MYO1E: variants seen among roughly 807,000 people sequenced by gnomAD.
MYO1E encodes unconventional myosin-Ie.
MYO1E carries 68 observed loss-of-function variants against 151.1 expected under a neutral mutation model. The observed-to-expected ratio is 0.45, with a 90% CI of 0.37 to 0.55. The LOEUF is 0.55. Among genes scored for constraint, MYO1E ranks in the 20% least tolerant of loss-of-function variants. MYO1E has a pLI of 0.00. For missense variants in MYO1E, 1,363 were observed against 1,389.3 expected, an observed-to-expected ratio of 0.98 and a Z score of 0.30; for synonymous variants, 601 against 501.7, an observed-to-expected ratio of 1.20 and a Z score of -2.64.
intron 2 of MYO1E, chr15:59,267,040 T>C (rs1348396835): frequency 6.9e-6 from 1 of 144,920 alleles, no homozygotes; most frequent in Non-Finnish European, 1.5e-5. Context: ...TTTTTTTTTT[T>C]TTTTGAGGTG....
intron 1 of MYO1E, among the ~76,000 whole-genome samples, chr15:59,332,544 G>A (rs1313472630): frequency 6.6e-6 from 1 of 152,114 alleles, no homozygotes; most frequent in Non-Finnish European, 1.5e-5. Flanking sequence ...GCAGTCCACA[G>A]ACAGGTGTTT....
intron 4 of MYO1E, among the ~76,000 whole-genome samples, chr15:59,240,978 A>G (rs1162576297): frequency 2.0e-5 from 3 of 152,272 alleles, no homozygotes; most frequent in Non-Finnish European, 2.9e-5. Context: ...TACAAAGGCT[A>G]TTAATAACAC....
chr15:59,355,778 T>C (rs1348344198), intron 1 of MYO1E, among the ~76,000 whole-genome samples: 1 of 152,122 alleles, frequency 6.6e-6, no homozygotes, highest in Non-Finnish European at 1.5e-5. Flanking sequence ...TACAGTGGCA[T>C]GATCAGGGCT....
chr15:59,178,111 G>C (rs2079636066), intron 19 of MYO1E, among the ~76,000 whole-genome samples: 1 of 152,242 alleles, frequency 6.6e-6, no homozygotes, highest in Non-Finnish European at 1.5e-5. Flanking sequence ...GTAGCAGCTA[G>C]AGAGGAGCGA....
intron 2 of MYO1E, among the ~76,000 whole-genome samples, chr15:59,265,199 G>T (rs1366775205): frequency 6.6e-6 from 1 of 152,108 alleles, no homozygotes; most frequent in Non-Finnish European, 1.5e-5. Flanking sequence ...TTCCATGGAG[G>T]AGGGTACTTG....
intron 1 of MYO1E, 62 bp downstream of exon 1, chr15:59,372,436 C>T: frequency 6.5e-7 from 1 of 1,535,186 alleles, no homozygotes. Flanking sequence ...GGGTGCACCA[C>T]GCCGGGGTTT....
chr15:59,372,544 G>A lies in MYO1E; in HGVS notation c.-44C>T. The A allele has an allele frequency of 6.5e-7, 1 of 1,534,858 alleles. No homozygotes were observed. Among genetic ancestry groups the A allele is most frequent in the Non-Finnish European group, 8.8e-7 (1 of 1,140,606 alleles). ...CGCGTCTTCGCCGGGTCCCGCTGCCGGGGAACTGGGGCTGGAACGCAGTCT... is the reference window on the plus strand; with the variant it reads ...CGCGTCTTCGCCGGGTCCCGCTGCCAGGGAACTGGGGCTGGAACGCAGTCT... On this transcript the variant is annotated 5_prime_UTR_variant, in exon 1 of 28. Coordinates refer to ENST00000288235, the MANE Select transcript of MYO1E (RefSeq NM_004998.4).
At chr15:59,193,135 C>G (rs530105631) in intron 17 of MYO1E, among the ~76,000 whole-genome samples, 2 of 152,312 alleles carry the variant, frequency 1.3e-5, no homozygotes, top group East Asian at 1.9e-4. Flanking sequence ...CCAGCACCAC[C>G]TGCAAGATTT....
At chr15:59,162,990 G>GACT (rs2079546200) in intron 23 of MYO1E, among the ~76,000 whole-genome samples, 167 bp downstream of exon 23, 1 of 152,216 alleles carries the variant, frequency 6.6e-6, no homozygotes, top group South Asian at 2.1e-4. Context: ...CAAAGTCTGT[G>GACT]ACTACTATCC....
Position 59,231,827 on chromosome 15 carries a change from T to C in MYO1E, c.421-36A>G, listed in dbSNP as rs373630726. On this transcript the variant is annotated intron_variant, in intron 5 of 27. Transcript: ENST00000288235. ...AAATAGACCGGAGGTTAGGAAGGTGTGAACACCTACCACACAGTGTACGCC... is the reference window on the plus strand; with the variant it reads ...AAATAGACCGGAGGTTAGGAAGGTGCGAACACCTACCACACAGTGTACGCC... The C allele has an allele frequency of 1.8e-5, 29 of 1,603,672 alleles. No homozygotes were observed. In the African/African-American group the frequency reaches 3.6e-4, roughly 20 times the overall value.
intron 17 of MYO1E, among the ~76,000 whole-genome samples, chr15:59,189,947 T>C (rs934831217): frequency 4.6e-5 from 7 of 152,208 alleles, no homozygotes; most frequent in Non-Finnish European, 1.0e-4. Flanking sequence ...AGATGCCCCA[T>C]GCCCCACACC....
At chr15:59,344,265 C>A (rs58406189) in intron 1 of MYO1E, among the ~76,000 whole-genome samples, 2,073 of 152,324 alleles carry the variant, frequency 0.014, 36 homozygotes, top group African/African-American at 0.046. Context: ...GTAGTTCTTG[C>A]GGACTCGTAG....
chr15:59,316,749 G>A (rs949214353), intron 1 of MYO1E, among the ~76,000 whole-genome samples: 2 of 152,102 alleles, frequency 1.3e-5, no homozygotes, highest in Non-Finnish European at 2.9e-5. Context: ...TTTATGTGAG[G>A]TCTACAGGAT....
At chr15:59,270,501 C>T (rs2080282844) in intron 2 of MYO1E, among the ~76,000 whole-genome samples, 1 of 147,956 alleles carries the variant, frequency 6.8e-6, no homozygotes, top group South Asian at 2.1e-4. Flanking sequence ...TGGGATCGTG[C>T]CACTGCACTC....
At chr15:59,178,845 G>A (rs1255272267) in intron 18 of MYO1E, among the ~76,000 whole-genome samples, 1 of 152,202 alleles carries the variant, frequency 6.6e-6, no homozygotes, top group Non-Finnish European at 1.5e-5. Context: ...AAGGCCACCA[G>A]GGGTGGTCTT....
chr15:59,150,058 A>G (rs975230509), intron 26 of MYO1E, among the ~76,000 whole-genome samples: 22 of 152,240 alleles, frequency 1.4e-4, no homozygotes, highest in Admixed American at 1.2e-3. Context: ...TCACCTTTAC[A>G]TGTTTTAGAA....
chr15:59,226,207 C>A (rs2079990240), intron 7 of MYO1E, among the ~76,000 whole-genome samples: 1 of 152,146 alleles, frequency 6.6e-6, no homozygotes, highest in Non-Finnish European at 1.5e-5. Flanking sequence ...AAGTTTTAAT[C>A]ATTTATATAC....
intron 26 of MYO1E, among the ~76,000 whole-genome samples, chr15:59,152,987 T>G (rs2079490446): frequency 6.6e-6 from 1 of 152,190 alleles, no homozygotes; most frequent in African/African-American, 2.4e-5. Flanking sequence ...TCCCTACGAC[T>G]CCACAGGACA....
At chr15:59,164,804 A>T (rs1466214771) in intron 22 of MYO1E, among the ~76,000 whole-genome samples, 2 of 152,184 alleles carry the variant, frequency 1.3e-5, no homozygotes, top group Non-Finnish European at 2.9e-5. Context: ...AGTGACCCAG[A>T]GGTGATGGAG....
Sources: allele counts gnomAD v4.1 joint callset (sites outside exome capture counted in the v4.1 genomes callset), GRCh38; gene constraint gnomAD v4.1.1; transcripts MANE v1.5; gene names NCBI Gene and HGNC (gene_info 2026-07-23, HGNC 2026-07-21).